The following ARID4B variants were observed in gnomAD, a reference collection of about 807,000 sequenced individuals.
ARID4B encodes the protein AT-rich interaction domain 4B, also known as AT-rich interactive domain-containing protein 4B.
Under a neutral mutation model 147.5 loss-of-function variants are expected in ARID4B, and 26 were observed. That is an observed-to-expected ratio of 0.18 (90% CI 0.13 to 0.24). The LOEUF (loss-of-function observed/expected upper bound fraction) is 0.24. Ranked by LOEUF, ARID4B falls within the 10% of genes least tolerant of loss-of-function variation. The pLI is 1.00. For missense variants in ARID4B, 1,179 were observed against 1,511.5 expected, an observed-to-expected ratio of 0.78 and a Z score of 3.65; for synonymous variants, 512 against 507.9, an observed-to-expected ratio of 1.01 and a Z score of -0.11.
intron 20 of ARID4B, among the ~76,000 whole-genome samples, chr1:235,178,792 A>G (rs942366606): frequency 6.6e-6 from 1 of 152,194 alleles, no homozygotes; most frequent in African/African-American, 2.4e-5. Context: ...CCTTCTGTGT[A>G]TAAAACCTAA....
intron 11 of ARID4B, among the ~76,000 whole-genome samples, chr1:235,226,580 G>A (rs377697174): frequency 1.3e-5 from 2 of 151,812 alleles, no homozygotes; most frequent in East Asian, 3.9e-4. Context: ...GGAGTGCAGT[G>A]GCGTGATCTC....
intron 18 of ARID4B, among the ~76,000 whole-genome samples, chr1:235,195,813 G>A (rs1665453858): frequency 6.6e-6 from 1 of 152,108 alleles, no homozygotes; most frequent in Non-Finnish European, 1.5e-5. Context: ...CTGGTTGAAT[G>A]GCTTTATATA....
At position 235,229,521 on chromosome 1, in the gene ARID4B, CTG is replaced by C. The variant is rs1056986215; in HGVS notation, c.743-138_743-137del. On this transcript the variant is annotated intron_variant, in intron 10 of 23. Coordinates refer to ENST00000264183, the MANE Select transcript of ARID4B (RefSeq NM_016374.6). ...TTTATTGTTTGCTATGTACCAGAAACTGTGTTAAGTGCTTTTAAATGTAGCAA... is the reference window on the plus strand; with the variant it reads ...TTTATTGTTTGCTATGTACCAGAAACTGTTAAGTGCTTTTAAATGTAGCAA... The C allele has an allele frequency of 1.1e-5, 7 of 652,550 alleles. 1 individual carries two copies. The African/African-American group carries it at 1.1e-4, about 10-fold the overall frequency. 40.4% of individuals were successfully genotyped at this position (652,550 alleles called of 1,614,324 possible). A position where few individuals can be genotyped will look rare whatever the true frequency, so the allele number is the denominator to read the frequency against.
chr1:235,306,830 G>A (rs572177240), intron 2 of ARID4B, among the ~76,000 whole-genome samples: 2 of 152,042 alleles, frequency 1.3e-5, no homozygotes, highest in South Asian at 4.2e-4. Context: ...TAATTTTTTT[G>A]TATTTTTGGT....
intron 13 of ARID4B, 76 bp downstream of exon 13, chr1:235,223,090 A>C (rs1667576816): frequency 9.9e-7 from 1 of 1,012,066 alleles, no homozygotes. Context: ...GTTTAGAAAA[A>C]CAATTTCAGA....
At chr1:235,312,869 AG>A (rs1674161933) in intron 2 of ARID4B, among the ~76,000 whole-genome samples, 1 of 152,178 alleles carries the variant, frequency 6.6e-6, no homozygotes. Context: ...GCTACTCAGG[AG>A]GCTGAGGCAC....
intron 7 of ARID4B, among the ~76,000 whole-genome samples, 185 bp downstream of exon 7, chr1:235,246,231 TTAAG>T (rs529663880): frequency 1.2e-3 from 186 of 152,286 alleles, no homozygotes; most frequent in Middle Eastern, 3.4e-3. Flanking sequence ...GATACAGCTG[TTAAG>T]TAAGGTTGGC....
chr1:235,276,648 C>A (rs1231639345), intron 2 of ARID4B, among the ~76,000 whole-genome samples: 1 of 150,572 alleles, frequency 6.6e-6, no homozygotes, highest in Non-Finnish European at 1.5e-5. Flanking sequence ...GGAGACACAG[C>A]AAGACCCTGT....
rs199911401 is a variant in ARID4B, at chr1:235,208,409, CTACT to C, written c.1841+5356_1841+5359del. Among the ~76,000 whole-genome samples, 1,271 of 152,224 alleles carry C rather than the reference CTACT, an allele frequency of 8.3e-3. 23 individuals are homozygous for C. The highest frequency in any genetic ancestry group is 0.029 in the African/African-American group (1,204 of 41,526). ...TAAATAGAGAGCCTACTATTAAAAA[CTACT>C]TAAGCAGAACTAAATTTTTTTTAAA... On this transcript the variant is annotated intron_variant, in intron 17 of 23. Coordinates refer to ENST00000264183, the MANE Select transcript of ARID4B (RefSeq NM_016374.6).
In ARID4B at chr1:235,309,294, A is replaced by C. The variant is rs1229419047; in HGVS notation, c.6+17620T>G. The stretch of plus-strand genomic sequence containing the variant: ...CTCCGCCCGGCAGCCGCCCCATCTG[A>C]GAAGTGAGGAGCCCCTCCGCCCGGC... On this transcript the variant is annotated intron_variant, in intron 2 of 23. Transcript: ENST00000264183. Among the ~76,000 whole-genome samples, 3 of 122,630 alleles carry C rather than the reference A, an allele frequency of 2.4e-5. No individual in the cohort carries two copies. In the Admixed American group the frequency reaches 2.5e-4, roughly 10 times the overall value. The allele number at this position is 122,630 out of a possible 152,430, so 80.5% of individuals were successfully genotyped here.
intron 4 of ARID4B, among the ~76,000 whole-genome samples, 158 bp downstream of exon 4, chr1:235,257,002 A>G (rs906398515): frequency 3.3e-5 from 5 of 152,142 alleles, no homozygotes; most frequent in Admixed American, 2.6e-4. Flanking sequence ...CAGCCTCCTT[A>G]GTCACTGAGA....
intron 8 of ARID4B, among the ~76,000 whole-genome samples, chr1:235,236,862 A>ATATATATATATATTTT (rs1426582533): frequency 5.7e-5 from 1 of 17,490 alleles, no homozygotes; most frequent in Non-Finnish European, 9.4e-5. Context: ...ATATATATAT[A>ATATATATATATATTTT]TTTTTTTTTT....
At position 235,167,085 on chromosome 1, in the gene ARID4B, C is replaced by A. The variant is rs925228730; in HGVS notation, c.*1440G>T. On this transcript the variant is annotated 3_prime_UTR_variant, in exon 24 of 24. Transcript: ENST00000264183. ...TGTACAAATTTGAATAACTTGAAAC[C>A]ATTTTCAACAAAATTAGTTACTGTA... The A allele has an allele frequency of 1.1e-5, 2 of 187,156 alleles. No homozygotes were observed. Among genetic ancestry groups the A allele is most frequent in the African/African-American group, 2.3e-5 (1 of 42,724 alleles). 11.6% of individuals were successfully genotyped at this position (187,156 alleles called of 1,614,324 possible). A position where few individuals can be genotyped will look rare whatever the true frequency, so the allele number is the denominator to read the frequency against.
chr1:235,293,579 A>C (rs1319226960), intron 2 of ARID4B, among the ~76,000 whole-genome samples: 4 of 152,202 alleles, frequency 2.6e-5, no homozygotes, highest in Admixed American at 2.6e-4. Flanking sequence ...AAGCAAAAGC[A>C]AATTGTTGCT....
chr1:235,205,961 T>C (rs1291135902), intron 17 of ARID4B, among the ~76,000 whole-genome samples: 1 of 152,148 alleles, frequency 6.6e-6, no homozygotes, highest in Non-Finnish European at 1.5e-5. Context: ...TTCCTTAGAA[T>C]GTGAAACACA....
At chr1:235,300,227 C>T (rs920992785) in intron 2 of ARID4B, among the ~76,000 whole-genome samples, 11 of 152,050 alleles carry the variant, frequency 7.2e-5, no homozygotes, top group Admixed American at 6.6e-5. Context: ...AACACCCTGG[C>T]CAACATGGCA....
intron 6 of ARID4B, among the ~76,000 whole-genome samples, chr1:235,248,248 C>T (rs930250996): frequency 6.6e-5 from 10 of 151,980 alleles, no homozygotes; most frequent in Admixed American, 6.6e-4. Flanking sequence ...TGGGGTTTTG[C>T]CATGTTGTCC....
At chr1:235,242,904 G>A (rs1669080397) in intron 7 of ARID4B, among the ~76,000 whole-genome samples, 1 of 151,922 alleles carries the variant, frequency 6.6e-6, no homozygotes, top group Admixed American at 6.6e-5. Context: ...TACAGTCCCT[G>A]CCCATCTACC....
chr1:235,266,185 C>A (rs933617637), intron 2 of ARID4B, among the ~76,000 whole-genome samples: 2 of 151,966 alleles, frequency 1.3e-5, no homozygotes, highest in African/African-American at 4.8e-5. Context: ...CTTAGTGTAC[C>A]AAGATTGCAC....
Sources: gnomAD v4.1 joint callset for allele counts (sites outside exome capture counted in the v4.1 genomes callset) on GRCh38, gnomAD v4.1.1 for gene constraint, MANE v1.5 for transcripts, NCBI Gene and HGNC (gene_info 2026-07-23, HGNC 2026-07-21) for gene names.